Variants in NFYA observed in about 807,000 individuals in gnomAD.
NFYA encodes nuclear transcription factor Y subunit alpha.
NFYA carries 28 observed loss-of-function variants against 52.8 expected under a neutral mutation model. The observed-to-expected ratio is 0.53, with a 90% confidence interval of 0.39 to 0.73. NFYA has a LOEUF of 0.73. Among genes scored for constraint, NFYA ranks in the 30% least tolerant of loss-of-function variants. NFYA has a pLI of 0.00. For missense variants in NFYA, 234 were observed against 427.0 expected (o/e 0.55, Z 3.98); for synonymous variants, 150 against 150.7 (o/e 1.00, Z 0.03).
At chr6:41,093,777 CCTTT>C (rs1204714454) in intron 8 of NFYA, among the ~76,000 whole-genome samples, 1 of 152,210 alleles carries the variant, frequency 6.6e-6, no homozygotes, top group Non-Finnish European at 1.5e-5. Flanking sequence ...GGCCAGGTAC[CCTTT>C]CTTTCAAGGA....
At chr6:41,090,025 G>A (rs1357477773) in intron 5 of NFYA, among the ~76,000 whole-genome samples, 179 bp from the exon 6 acceptor site, 1 of 152,078 alleles carries the variant, frequency 6.6e-6, no homozygotes, top group Non-Finnish European at 1.5e-5. Flanking sequence ...GCAGAGAATC[G>A]CTTGAACCCA....
rs1764503383 is a variant in NFYA, at chr6:41,101,604, G to A, written c.*4194G>A. 6.6e-6 allele frequency among the ~76,000 whole-genome samples: 1 copy of A among 152,168 alleles called. No individual in the cohort carries two copies. Among genetic ancestry groups the A allele is most frequent in the Non-Finnish European group, 1.5e-5 (1 of 68,044 alleles). On this transcript the variant is annotated 3_prime_UTR_variant, in exon 10 of 10. Coordinates refer to ENST00000341376, the MANE Select transcript of NFYA (RefSeq NM_002505.5). ...CGTAGCTATCTAGCAGCCACTCCGC[G>A]AGTCGTTCATTTAACAAATACTTAC... is the stretch of plus-strand genomic sequence containing the variant.
At chr6:41,093,171 A>G (rs1311024564) in intron 8 of NFYA, 86 bp downstream of exon 8, 1 of 1,217,210 alleles carries the variant, frequency 8.2e-7, no homozygotes, top group Non-Finnish European at 1.1e-6. Context: ...TTGTTTTCTC[A>G]CGTACCTTCC....
In NFYA at chr6:41,100,541, CCCTGGCAG is replaced by C. The variant is rs1764471882; in HGVS notation, c.*3132_*3139del. 1.3e-5 allele frequency among the ~76,000 whole-genome samples: 2 copies of C among 152,104 alleles called. No homozygotes were observed. Among genetic ancestry groups the C allele is most frequent in the African/African-American group, 4.8e-5 (2 of 41,414 alleles). On this transcript the variant is annotated 3_prime_UTR_variant, in exon 10 of 10. Coordinates refer to ENST00000341376, the MANE Select transcript of NFYA (RefSeq NM_002505.5). ...CTCAATGATGAGAGCAGTAGACCTG[CCCTGGCAG>C]ATGAGAGAGGAGAAACTCTCCACAA...
In NFYA at chr6:41,087,816, T is replaced by C. The variant is rs541942739; in HGVS notation, c.310-1763T>C. 2.0e-5 allele frequency among the ~76,000 whole-genome samples: 3 copies of C among 152,128 alleles called. No individual in the cohort carries two copies. In the East Asian group the frequency reaches 5.8e-4, roughly 29 times the overall value. On this transcript the variant is annotated intron_variant, in intron 4 of 9. Transcript: ENST00000341376. ...TTTTTAGTTCCAAAATTTAGAGAAATATTTTTCAAGCTTCTTGTCAGGTTT... is the reference window on the plus strand; with the variant it reads ...TTTTTAGTTCCAAAATTTAGAGAAACATTTTTCAAGCTTCTTGTCAGGTTT...
At chr6:41,090,076 C>G (rs1361984287) in intron 5 of NFYA, 128 bp from the exon 6 acceptor site, 10 of 628,186 alleles carry the variant, frequency 1.6e-5, no homozygotes, top group African/African-American at 1.3e-4. Context: ...CGCCACTGCA[C>G]TGCACTCCAG....
At chr6:41,078,090 G>A (rs566115623) in intron 1 of NFYA, among the ~76,000 whole-genome samples, 2 of 152,202 alleles carry the variant, frequency 1.3e-5, no homozygotes, top group South Asian at 4.1e-4. Flanking sequence ...CTGCCAGTTA[G>A]GGTCTATTAA....
At chr6:41,074,437 A>T (rs902551258) in intron 1 of NFYA, among the ~76,000 whole-genome samples, 2 of 152,214 alleles carry the variant, frequency 1.3e-5, no homozygotes, top group African/African-American at 4.8e-5. Context: ...TAGTGCTATA[A>T]AGGGGCCAAG....
chr6:41,095,612 G>T (rs1764331865), intron 9 of NFYA, among the ~76,000 whole-genome samples: 1 of 152,054 alleles, frequency 6.6e-6, no homozygotes, highest in African/African-American at 2.4e-5. Context: ...TAAATTTTTT[G>T]TAGAAATGGA....
At chr6:41,095,448 T>C (rs1243466709) in intron 9 of NFYA, among the ~76,000 whole-genome samples, 1 of 152,232 alleles carries the variant, frequency 6.6e-6, no homozygotes, top group Non-Finnish European at 1.5e-5. Context: ...CTCTTCTCTC[T>C]CAGTATGTTC....
intron 4 of NFYA, among the ~76,000 whole-genome samples, chr6:41,085,977 A>C (rs533180311): frequency 3.5e-4 from 53 of 152,326 alleles, no homozygotes; most frequent in African/African-American, 1.1e-3. Flanking sequence ...TATTTTTGCC[A>C]AGATAGAATT....
At chr6:41,096,949 CCTG>C (rs1247055926) in intron 9 of NFYA, among the ~76,000 whole-genome samples, 3 of 152,208 alleles carry the variant, frequency 2.0e-5, no homozygotes, top group East Asian at 3.9e-4. Context: ...TCTTTCTAGC[CCTG>C]CTAAGTACTC....
chr6:41,076,150 G>C (rs1180609069), intron 1 of NFYA, among the ~76,000 whole-genome samples: 3 of 152,178 alleles, frequency 2.0e-5, no homozygotes, highest in Non-Finnish European at 4.4e-5. Flanking sequence ...GCTCACGACT[G>C]TAATCCCAGC....
In NFYA at chr6:41,099,333, T is replaced by G. The variant is rs879351754; in HGVS notation, c.*1923T>G. The stretch of plus-strand genomic sequence containing the variant: ...TAAGATGCAGAGTTCAGAAAGAAAT[T>G]ACTCAGACCTAACTTTGAGTGCTTA... On this transcript the variant is annotated 3_prime_UTR_variant, in exon 10 of 10. Transcript: ENST00000341376. 3 of 152,258 alleles carry G rather than the reference T, an allele frequency of 2.0e-5. No individual in the cohort carries two copies. The highest frequency in any genetic ancestry group is 2.9e-5 in the Non-Finnish European group (2 of 68,038). The allele number at this position is 152,258 out of a possible 1,614,324, so 9.4% of individuals were successfully genotyped here. A position where few individuals can be genotyped will look rare whatever the true frequency, so the allele number is the denominator to read the frequency against.
chr6:41,094,365 A>C, intron 8 of NFYA, 31 bp from the exon 9 acceptor site: 1 of 1,579,994 alleles, frequency 6.3e-7, no homozygotes, highest in Non-Finnish European at 8.7e-7. Context: ...GGATAGTATT[A>C]ATAGTTAAAT....
chr6:41,099,928 TC>T lies in NFYA; in HGVS notation c.*2519del, dbSNP rs1764454231. 6.6e-6 allele frequency: 1 copy of T among 152,142 alleles called. No individual in the cohort carries two copies. Among genetic ancestry groups the T allele is most frequent in the Admixed American group, 6.5e-5 (1 of 15,280 alleles). The allele number at this position is 152,142 out of a possible 1,614,324, so 9.4% of individuals were successfully genotyped here. On this transcript the variant is annotated 3_prime_UTR_variant, in exon 10 of 10. Coordinates refer to ENST00000341376, the MANE Select transcript of NFYA (RefSeq NM_002505.5). ...GCGTACAGGTGATCGATCATTAATG[TC>T]ATTGCAATTGTTATTTTTTAAAATA...
In NFYA at chr6:41,085,682, G is replaced by A. The variant is rs9471473; in HGVS notation, c.309+1490G>A. Reference sequence around the variant, plus strand: ...CTCATAAATCAAACTTGTACTTTTTGTGTATTCTTTTGTGTTTTTATGCAT... The same window carrying A: ...CTCATAAATCAAACTTGTACTTTTTATGTATTCTTTTGTGTTTTTATGCAT... On this transcript the variant is annotated intron_variant, in intron 4 of 9. Transcript: ENST00000341376. Among the ~76,000 whole-genome samples, 539 of 152,022 alleles carry A rather than the reference G, an allele frequency of 3.5e-3. 3 individuals are homozygous for A. Among genetic ancestry groups the A allele is most frequent in the African/African-American group, 0.012 (512 of 41,458 alleles).
chr6:41,092,681 T>C (rs1476148686), intron 7 of NFYA, among the ~76,000 whole-genome samples: 1 of 152,212 alleles, frequency 6.6e-6, no homozygotes, highest in African/African-American at 2.4e-5. Flanking sequence ...GGCATGGTTA[T>C]ATAGTTTCTC....
chr6:41,077,952 G>C (rs1254977446), intron 1 of NFYA, among the ~76,000 whole-genome samples: 1 of 151,710 alleles, frequency 6.6e-6, no homozygotes, highest in Non-Finnish European at 1.5e-5. Flanking sequence ...ATTAAATTTT[G>C]TTATATTTTT....
Sources: allele counts gnomAD v4.1 joint callset (sites outside exome capture counted in the v4.1 genomes callset), GRCh38; gene constraint gnomAD v4.1.1; transcripts MANE v1.5; gene names NCBI Gene and HGNC (gene_info 2026-07-23, HGNC 2026-07-21).